The following MAP2 variants were observed in gnomAD, a reference collection of about 807,000 sequenced individuals.
MAP2 encodes microtubule associated protein 2.
A neutral mutation model predicts 137.6 loss-of-function variants in MAP2; 14 were observed. The ratio of observed to expected loss-of-function variants is 0.10; its 90% CI spans 0.07 to 0.16. The LOEUF (loss-of-function observed/expected upper bound fraction) is 0.16. MAP2 is among the 10% of genes least tolerant of loss of function. The pLI, the probability that MAP2 is intolerant of heterozygous loss-of-function variation, is 1.00. For synonymous variants in MAP2, 786 were observed against 782.3 expected, an observed-to-expected ratio of 1.00 and a Z score of -0.08; for missense variants, 2,088 against 2,191.5, an observed-to-expected ratio of 0.95 and a Z score of 0.94.
intron 4 of MAP2, among the ~76,000 whole-genome samples, chr2:209,640,750 A>G (rs1487624801): frequency 6.6e-6 from 1 of 152,138 alleles, no homozygotes; most frequent in East Asian, 1.9e-4. Flanking sequence ...TATCCTGCTT[A>G]TAATTCTCCA....
intron 7 of MAP2, among the ~76,000 whole-genome samples, chr2:209,682,483 C>A (rs778951493): frequency 6.6e-6 from 1 of 151,974 alleles, no homozygotes; most frequent in Non-Finnish European, 1.5e-5. Flanking sequence ...TAGCGAGACT[C>A]CATCTCAAAA....
chr2:209,687,783 C>T (rs956998342), intron 7 of MAP2, among the ~76,000 whole-genome samples: 2 of 152,102 alleles, frequency 1.3e-5, no homozygotes, highest in African/African-American at 2.4e-5. Context: ...CTGCCACCAG[C>T]GGGGAGAGGC....
chr2:209,575,724 C>G (rs2075271676), intron 2 of MAP2, among the ~76,000 whole-genome samples: 1 of 152,032 alleles, frequency 6.6e-6, no homozygotes, highest in Non-Finnish European at 1.5e-5. Context: ...TGTTTGAGTG[C>G]CAGTACGCTC....
At chr2:209,713,177 AACT>A (rs1338091936) in intron 13 of MAP2, among the ~76,000 whole-genome samples, 2 of 152,178 alleles carry the variant, frequency 1.3e-5, no homozygotes, top group Admixed American at 1.3e-4. Flanking sequence ...TAATTGTGAA[AACT>A]TCATTATTGG....
At chr2:209,524,537 G>A (rs999440433) in intron 2 of MAP2, among the ~76,000 whole-genome samples, 1 of 151,840 alleles carries the variant, frequency 6.6e-6, no homozygotes, top group Admixed American at 6.6e-5. Flanking sequence ...AAATAAATAA[G>A]GTAATACATG....
intron 1 of MAP2, among the ~76,000 whole-genome samples, chr2:209,460,831 C>A (rs527564340): frequency 6.6e-6 from 1 of 152,176 alleles, no homozygotes; most frequent in Non-Finnish European, 1.5e-5. Context: ...TCACTGCAAC[C>A]TCTGCCTCCC....
At chr2:209,535,572 T>TC (rs1577390703) in intron 2 of MAP2, among the ~76,000 whole-genome samples, 1 of 151,920 alleles carries the variant, frequency 6.6e-6, no homozygotes, top group East Asian at 1.9e-4. Flanking sequence ...TTTTTTTTTT[T>TC]CTGCAGAAGA....
intron 1 of MAP2, among the ~76,000 whole-genome samples, chr2:209,425,967 C>T (rs375279540): frequency 1.3e-5 from 2 of 152,164 alleles, no homozygotes; most frequent in African/African-American, 2.4e-5. Context: ...AAGCCCCAGC[C>T]CCATGCACAC....
At chr2:209,523,859 G>A (rs565830579) in intron 2 of MAP2, among the ~76,000 whole-genome samples, 15 of 152,052 alleles carry the variant, frequency 9.9e-5, no homozygotes, top group Non-Finnish European at 1.6e-4. Flanking sequence ...ATTTTGAAAA[G>A]CGATGACTAA....
At chr2:209,466,675 A>G (rs1291184086) in intron 1 of MAP2, among the ~76,000 whole-genome samples, 1 of 152,226 alleles carries the variant, frequency 6.6e-6, no homozygotes, top group Non-Finnish European at 1.5e-5. Context: ...GAGTGATTCC[A>G]TGATCTAAAT....
intron 2 of MAP2, among the ~76,000 whole-genome samples, chr2:209,529,944 CTA>C (rs1355320388): frequency 8.7e-6 from 1 of 115,364 alleles, no homozygotes; most frequent in Non-Finnish European, 1.6e-5. Flanking sequence ...CTCAATAATT[CTA>C]TGAGTATTGA....
intron 4 of MAP2, among the ~76,000 whole-genome samples, chr2:209,630,599 C>T (rs1392600718): frequency 1.3e-5 from 2 of 152,032 alleles, no homozygotes; most frequent in South Asian, 2.1e-4. Context: ...TCTCATGGTA[C>T]AGTTTATTTA....
At chr2:209,468,445 G>A (rs377316553) in intron 1 of MAP2, among the ~76,000 whole-genome samples, 15 of 145,504 alleles carry the variant, frequency 1.0e-4, no homozygotes, top group South Asian at 4.5e-4. Context: ...TCAGCCTCCC[G>A]GAGTAGCTGG....
At chr2:209,702,285 C>G (rs2061983506) in intron 11 of MAP2, among the ~76,000 whole-genome samples, 1 of 151,988 alleles carries the variant, frequency 6.6e-6, no homozygotes. Context: ...AAATGCCCGT[C>G]TTGTCTTTCT....
At chr2:209,620,909 C>T (rs1016967233) in intron 3 of MAP2, among the ~76,000 whole-genome samples, 1 of 152,032 alleles carries the variant, frequency 6.6e-6, no homozygotes, top group Non-Finnish European at 1.5e-5. Context: ...AAACACTATT[C>T]GGAGGCCAGG....
At chr2:209,678,405 T>G (rs1257507680) in intron 5 of MAP2, among the ~76,000 whole-genome samples, 167 bp from the exon 6 acceptor site, 1 of 152,114 alleles carries the variant, frequency 6.6e-6, no homozygotes, top group Non-Finnish European at 1.5e-5. Context: ...TTTCTTCTTC[T>G]TTTTTGTATA....
intron 13 of MAP2, among the ~76,000 whole-genome samples, chr2:209,711,535 T>C (rs2065465192): frequency 6.6e-6 from 1 of 152,168 alleles, no homozygotes; most frequent in African/African-American, 2.4e-5. Flanking sequence ...AGATACTTTT[T>C]CACAGACAGA....
chr2:209,434,017 C>T (rs1311664349), intron 1 of MAP2, among the ~76,000 whole-genome samples: 2 of 152,046 alleles, frequency 1.3e-5, no homozygotes, highest in African/African-American at 4.8e-5. Flanking sequence ...CAGTGTAACA[C>T]ACATTTTGCT....
intron 2 of MAP2, among the ~76,000 whole-genome samples, chr2:209,543,737 T>C (rs960576113): frequency 6.6e-6 from 1 of 152,220 alleles, no homozygotes; most frequent in Non-Finnish European, 1.5e-5. Context: ...ATTTTAAAGA[T>C]TTAAGGGCAG....
Sources: gnomAD v4.1 joint callset for allele counts (sites outside exome capture counted in the v4.1 genomes callset) on GRCh38, gnomAD v4.1.1 for gene constraint, MANE v1.5 for transcripts, NCBI Gene and HGNC (gene_info 2026-07-23, HGNC 2026-07-21) for gene names.